Variants in DNAJC15 observed in about 807,000 individuals in gnomAD.
The protein encoded by DNAJC15 is dnaJ homolog subfamily C member 15.
DNAJC15 carries 27 observed loss-of-function variants against 22.4 expected under a neutral mutation model. That is an observed-to-expected ratio of 1.20 (90% CI 0.89 to 1.66). The LOEUF (loss-of-function observed/expected upper bound fraction) is 1.66. Ranked by LOEUF, DNAJC15 falls within the 40% of genes most tolerant of loss-of-function variation. DNAJC15 has a pLI of 0.00. For synonymous variants in DNAJC15, 79 were observed against 63.2 expected (o/e 1.25, Z -1.19); for missense variants, 208 against 187.1 (o/e 1.11, Z -0.65).
chr13:43,094,591 T>C (rs919309140), intron 5 of DNAJC15, among the ~76,000 whole-genome samples: 11 of 152,244 alleles, frequency 7.2e-5, no homozygotes, highest in African/African-American at 2.7e-4. Flanking sequence ...AACTTTACTA[T>C]GCTTTTCAGA....
intron 3 of DNAJC15, among the ~76,000 whole-genome samples, chr13:43,070,666 C>T (rs1221853241): frequency 6.6e-6 from 1 of 152,048 alleles, no homozygotes; most frequent in Non-Finnish European, 1.5e-5. Context: ...TGCAAAGGTC[C>T]TGAGGTGCAA....
intron 3 of DNAJC15, among the ~76,000 whole-genome samples, chr13:43,071,120 A>G (rs897332139): frequency 6.6e-6 from 1 of 152,242 alleles, no homozygotes; most frequent in Non-Finnish European, 1.5e-5. Context: ...GTGCAAAACT[A>G]CATTATTTAA....
chr13:43,104,673 TTTTTC>T (rs890080056), intron 5 of DNAJC15, among the ~76,000 whole-genome samples: 296 of 150,808 alleles, frequency 2.0e-3, no homozygotes, highest in African/African-American at 5.9e-3. Flanking sequence ...TTTTTTGTTC[TTTTTC>T]TTTTCTTTTC....
At chr13:43,088,605 T>A (rs569404504) in intron 5 of DNAJC15, among the ~76,000 whole-genome samples, 1 of 152,354 alleles carries the variant, frequency 6.6e-6, no homozygotes, top group Admixed American at 6.5e-5. Flanking sequence ...AGTGTTTAAG[T>A]CAAAATTAAA....
rs768258684 is a variant in DNAJC15 at position 43,078,737 on chromosome 13, T to C, written c.311+49T>C. On this transcript the variant is annotated intron_variant, in intron 4 of 5. Coordinates refer to ENST00000379221, the MANE Select transcript of DNAJC15 (RefSeq NM_013238.3). ...TTTTGTTGTGTGGCCAAGCTTGTCTTTAAAAAAGAGAAAACGTTACAATAA... is the reference window on the plus strand; with the variant it reads ...TTTTGTTGTGTGGCCAAGCTTGTCTCTAAAAAAGAGAAAACGTTACAATAA... 5.1e-6 allele frequency: 8 copies of C among 1,555,266 alleles called. No homozygotes were observed. In the Middle Eastern group the frequency reaches 5.1e-4, roughly 99 times the overall value.
intron 4 of DNAJC15, among the ~76,000 whole-genome samples, chr13:43,080,795 T>G (rs2040658335): frequency 6.6e-6 from 1 of 152,266 alleles, no homozygotes; most frequent in Non-Finnish European, 1.5e-5. Flanking sequence ...ATTTGGCTCC[T>G]GTTTCTTTCC....
chr13:43,060,446 T>A (rs575768815), intron 1 of DNAJC15, among the ~76,000 whole-genome samples: 6 of 152,260 alleles, frequency 3.9e-5, no homozygotes, highest in South Asian at 2.1e-4. Context: ...ATTGGGAGTA[T>A]CCAGGACATC....
chr13:43,024,884 C>T (rs535884668), intron 1 of DNAJC15, among the ~76,000 whole-genome samples: 2 of 39,602 alleles, frequency 5.1e-5, no homozygotes, highest in African/African-American at 1.8e-4. Flanking sequence ...CAGGAGACCC[C>T]ATCTCTGCTA....
intron 1 of DNAJC15, among the ~76,000 whole-genome samples, chr13:43,058,808 C>T (rs1174452184): frequency 2.6e-5 from 4 of 152,176 alleles, no homozygotes; most frequent in Non-Finnish European, 5.9e-5. Context: ...GCTTATAGGG[C>T]TCTTCCTGCT....
At chr13:43,036,230 A>G (rs960995856) in intron 1 of DNAJC15, among the ~76,000 whole-genome samples, 4 of 147,418 alleles carry the variant, frequency 2.7e-5, no homozygotes, top group Admixed American at 2.0e-4. Context: ...CAGTGATGCA[A>G]TCTCAGCTCA....
Position 43,109,755 on chromosome 13 carries a change from A to C in DNAJC15, c.*2507A>C, listed in dbSNP as rs1427454793. On this transcript the variant is annotated 3_prime_UTR_variant, in exon 6 of 6. Coordinates refer to ENST00000379221, the MANE Select transcript of DNAJC15 (RefSeq NM_013238.3). ...AGGGATCGCATTTGGAGATATACTA[A>C]TGTAAATGACAAGTTAATTGGTGCA... 6.6e-6 allele frequency: 1 copy of C among 152,174 alleles called. No individual in the cohort carries two copies. The highest frequency in any genetic ancestry group is 1.5e-5 in the Non-Finnish European group (1 of 68,028). The allele number at this position is 152,174 out of a possible 1,614,324, so 9.4% of individuals were successfully genotyped here.
intron 1 of DNAJC15, among the ~76,000 whole-genome samples, chr13:43,059,845 T>TTC (rs2040549916): frequency 6.6e-6 from 1 of 151,792 alleles, no homozygotes; most frequent in Non-Finnish European, 1.5e-5. Flanking sequence ...GGAGCAATGT[T>TTC]TCGCGGGCAT....
rs931614113 is a variant in DNAJC15 at position 43,064,076 on chromosome 13, G to A, written c.109-1610G>A. Among the ~76,000 whole-genome samples, 6 of 152,128 alleles carry A rather than the reference G, an allele frequency of 3.9e-5. No individual in the cohort carries two copies. The South Asian group carries it at 8.3e-4, about 21-fold the overall frequency. ...CTCTGGTAGGCAGCTCTAGGCTTTC[G>A]CTCCTCTGCCAGGGAATGAATCTTC... On this transcript the variant is annotated intron_variant, in intron 1 of 5. Transcript: ENST00000379221.
At position 43,026,904 on chromosome 13, in the gene DNAJC15, T is replaced by G. The variant is rs144445822; in HGVS notation, c.108+3170T>G. 2.7e-3 allele frequency among the ~76,000 whole-genome samples: 417 copies of G among 152,294 alleles called. 2 individuals are homozygous for G. The highest frequency in any genetic ancestry group is 9.6e-3 in the African/African-American group (400 of 41,562). ...AAAATCAAAAAGAAATAAATATATC[T>G]TGTCATATTTGTTAAATAACTTTTT... is the stretch of plus-strand genomic sequence containing the variant. On this transcript the variant is annotated intron_variant, in intron 1 of 5. Transcript: ENST00000379221.
chr13:43,064,744 A>C (rs554297791), intron 1 of DNAJC15, among the ~76,000 whole-genome samples: 1 of 152,158 alleles, frequency 6.6e-6, no homozygotes, highest in African/African-American at 2.4e-5. Context: ...TGTTCTTCCT[A>C]CTTTATCCAA....
chr13:43,055,892 C>G (rs1384230815), intron 1 of DNAJC15, among the ~76,000 whole-genome samples: 1 of 152,126 alleles, frequency 6.6e-6, no homozygotes, highest in Non-Finnish European at 1.5e-5. Flanking sequence ...GAACTTTCCT[C>G]TTAGCACTGC....
intron 5 of DNAJC15, among the ~76,000 whole-genome samples, chr13:43,101,039 A>G (rs2153442255): frequency 6.6e-6 from 1 of 152,206 alleles, no homozygotes; most frequent in Non-Finnish European, 1.5e-5. Context: ...TTTGGTTTCA[A>G]AGTTTACTTT....
chr13:43,092,635 TGATA>T (rs140323699), intron 5 of DNAJC15, among the ~76,000 whole-genome samples: 2,051 of 152,312 alleles, frequency 0.013, 45 homozygotes, highest in African/African-American at 0.044. Flanking sequence ...TTTAGTAACT[TGATA>T]GATACATTTT....
At position 43,110,881 on chromosome 13, in the gene DNAJC15, G is replaced by A. The variant is rs755032306; in HGVS notation, c.*3633G>A. 6.6e-6 allele frequency: 1 copy of A among 152,200 alleles called. No homozygotes were observed. Among genetic ancestry groups the A allele is most frequent in the Non-Finnish European group, 1.5e-5 (1 of 68,042 alleles). The allele number at this position is 152,200 out of a possible 1,614,324, so 9.4% of individuals were successfully genotyped here. A position where few individuals can be genotyped will look rare whatever the true frequency, so the allele number is the denominator to read the frequency against. ...CCTTATCTGTAAAAAGCTTATTTGA[G>A]TGGTTACCTGTCTTCAGTAAAGATT... On this transcript the variant is annotated 3_prime_UTR_variant, in exon 6 of 6. Transcript: ENST00000379221.
Sources: allele counts gnomAD v4.1 joint callset (sites outside exome capture counted in the v4.1 genomes callset), GRCh38; gene constraint gnomAD v4.1.1; transcripts MANE v1.5; gene names NCBI Gene and HGNC (gene_info 2026-07-23, HGNC 2026-07-21).